The following BAALC variants were observed in gnomAD, a reference collection of about 807,000 sequenced individuals.
BAALC encodes brain and acute leukemia cytoplasmic protein.
In BAALC, 9 loss-of-function variants were observed where a neutral mutation model predicts 15.5. That is an observed-to-expected ratio of 0.58 (90% CI 0.35 to 1.02). The LOEUF is 1.02. Among genes scored for constraint, BAALC ranks in the 50% least tolerant of loss-of-function variants. The pLI is 0.02. For synonymous variants in BAALC, 80 were observed against 74.6 expected, an observed-to-expected ratio of 1.07 and a Z score of -0.37; for missense variants, 201 against 192.4, an observed-to-expected ratio of 1.04 and a Z score of -0.27.
intron 1 of BAALC, among the ~76,000 whole-genome samples, chr8:103,155,937 T>C (rs1404657094): frequency 2.0e-5 from 3 of 152,236 alleles, no homozygotes; most frequent in African/African-American, 7.2e-5. Flanking sequence ...TAGCAAACTT[T>C]TTCTGTAAAG....
chr8:103,142,336 T>C (rs1323607000), intron 1 of BAALC, among the ~76,000 whole-genome samples: 2 of 152,246 alleles, frequency 1.3e-5, no homozygotes, highest in African/African-American at 4.8e-5. Context: ...GTGAAAGCTG[T>C]ACAATACATT....
chr8:103,205,572 A>AAT (rs1812309990), intron 1 of BAALC, among the ~76,000 whole-genome samples: 1 of 152,104 alleles, frequency 6.6e-6, no homozygotes, highest in African/African-American at 2.4e-5. Flanking sequence ...ATATATCTAT[A>AAT]ATATAGATGA....
chr8:103,171,335 G>A (rs1301703208), intron 1 of BAALC, among the ~76,000 whole-genome samples: 1 of 143,876 alleles, frequency 7.0e-6, no homozygotes, highest in African/African-American at 2.5e-5. Context: ...AAGAGAGAAA[G>A]AAGGAAGGAG....
intron 1 of BAALC, among the ~76,000 whole-genome samples, chr8:103,192,304 A>G (rs1320300458): frequency 6.6e-6 from 1 of 152,224 alleles, no homozygotes; most frequent in South Asian, 2.1e-4. Context: ...CACCCGCCTC[A>G]GCCTCCCAAA....
intron 1 of BAALC, among the ~76,000 whole-genome samples, chr8:103,145,085 C>T (rs961284222): frequency 6.6e-6 from 1 of 152,204 alleles, no homozygotes. Context: ...AGGGGATATG[C>T]TATGAAATTC....
At chr8:103,222,959 G>A (rs1437613458) in intron 2 of BAALC, among the ~76,000 whole-genome samples, 2 of 152,150 alleles carry the variant, frequency 1.3e-5, no homozygotes, top group Non-Finnish European at 2.9e-5. Context: ...GTGACTAACC[G>A]TCCTGGTTTG....
chr8:103,166,791 AAT>A (rs1201210545), intron 1 of BAALC, among the ~76,000 whole-genome samples: 1 of 152,190 alleles, frequency 6.6e-6, no homozygotes, highest in African/African-American at 2.4e-5. Context: ...GTACCTATTT[AAT>A]ATCTTTCTTT....
At position 103,228,070 on chromosome 8, in the gene BAALC, C is replaced by G; in HGVS notation, c.409C>G (p.Arg137Gly). The change falls in exon 3 of 3, where the codon CGA becomes GGA. Residue 137 changes from arginine (R) to glycine (G), a missense_variant. By Grantham distance (125) the Arg-to-Gly change is moderately radical. Coordinates refer to ENST00000309982, the MANE Select transcript of BAALC (RefSeq NM_024812.3). The stretch of plus-strand genomic sequence containing the variant: ...TAGCATCCAACAGATGGACAGAAGT[C>G]GAAGAATCACAAAGAACTGTGTCAA... ...TDSIQQMDRS[R>G]RITKNCVN 2 of 1,612,794 alleles carry G rather than the reference C, an allele frequency of 1.2e-6. No homozygotes were observed. The highest frequency in any genetic ancestry group is 1.7e-6 in the Non-Finnish European group (2 of 1,179,140).
chr8:103,165,823 A>T (rs1811333598), intron 1 of BAALC: 1 of 152,168 alleles, frequency 6.6e-6, no homozygotes, highest in African/African-American at 2.4e-5. Flanking sequence ...TAAGACACTT[A>T]CCCTCTTTGT....
At chr8:103,178,853 A>G (rs1446083679) in intron 1 of BAALC, among the ~76,000 whole-genome samples, 3 of 143,078 alleles carry the variant, frequency 2.1e-5, no homozygotes, top group African/African-American at 7.8e-5. Context: ...ACAGAGTGAG[A>G]CTCTGTCTCA....
chr8:103,156,057 G>A (rs1811083385), intron 1 of BAALC, among the ~76,000 whole-genome samples: 1 of 152,154 alleles, frequency 6.6e-6, no homozygotes, highest in Non-Finnish European at 1.5e-5. Flanking sequence ...ATAAATGAAT[G>A]AGCGTGTCTG....
intron 2 of BAALC, among the ~76,000 whole-genome samples, chr8:103,215,836 C>T (rs1210980818): frequency 6.6e-6 from 1 of 152,212 alleles, no homozygotes; most frequent in Non-Finnish European, 1.5e-5. Flanking sequence ...CCACATACCA[C>T]ATACATACAC....
At position 103,140,856 on chromosome 8, in the gene BAALC, C is replaced by G; in HGVS notation, c.-42C>G. The G allele has an allele frequency of 6.9e-7, 1 of 1,449,430 alleles. No homozygotes were observed. Among genetic ancestry groups the G allele is most frequent in the Non-Finnish European group, 9.1e-7 (1 of 1,100,450 alleles). The allele number at this position is 1,449,430 out of a possible 1,614,324, so 89.8% of individuals were successfully genotyped here. On this transcript the variant is annotated 5_prime_UTR_variant, in exon 1 of 3. Coordinates refer to ENST00000309982, the MANE Select transcript of BAALC (RefSeq NM_024812.3). The surrounding 1 kb of genome is among the most constrained non-coding windows in gnomAD (Gnocchi z 4.2). ...TCCGGGGCTGAGCCGCCGCCAGAGC[C>G]GACAGCCGAGCAGCCGCTGGGCGCT... is the stretch of plus-strand genomic sequence containing the variant.
chr8:103,180,077 A>C (rs904230522), intron 1 of BAALC, among the ~76,000 whole-genome samples: 1 of 152,222 alleles, frequency 6.6e-6, no homozygotes, highest in Non-Finnish European at 1.5e-5. Flanking sequence ...AATGATAAGC[A>C]GGGGGAGTGC....
At chr8:103,141,100 C>T in intron 1 of BAALC, 43 bp downstream of exon 1, 1 of 1,393,708 alleles carries the variant, frequency 7.2e-7, no homozygotes, top group Non-Finnish European at 9.3e-7. Context: ...GCCCGCTACC[C>T]CGGGCGCCTT....
chr8:103,178,046 G>A (rs997502892), intron 1 of BAALC, among the ~76,000 whole-genome samples: 2 of 152,132 alleles, frequency 1.3e-5, no homozygotes, highest in African/African-American at 4.8e-5. Flanking sequence ...GGAACCATCT[G>A]GTCTTGTCAT....
At chr8:103,217,534 G>A (rs1245947054) in intron 2 of BAALC, among the ~76,000 whole-genome samples, 1 of 152,132 alleles carries the variant, frequency 6.6e-6, no homozygotes, top group African/African-American at 2.4e-5. Flanking sequence ...GGCTCAGTCA[G>A]TATCCACTTG....
intron 1 of BAALC, among the ~76,000 whole-genome samples, chr8:103,171,436 A>G (rs1486984997): frequency 6.6e-6 from 1 of 150,782 alleles, no homozygotes; most frequent in Admixed American, 6.6e-5. Flanking sequence ...AAATAAAAAG[A>G]AAGAGAAAGA....
intron 2 of BAALC, among the ~76,000 whole-genome samples, chr8:103,225,644 G>A (rs1189552593): frequency 1.3e-5 from 2 of 152,106 alleles, no homozygotes; most frequent in African/African-American, 4.8e-5. Context: ...AAGCACCATG[G>A]ATTTGTACCC....
Sources: gnomAD v4.1 joint callset for allele counts (sites outside exome capture counted in the v4.1 genomes callset) on GRCh38, gnomAD v4.1.1 for gene constraint, Gnocchi (gnomAD v3.1) non-coding constraint, MANE v1.5 for transcripts, NCBI Gene and HGNC (gene_info 2026-07-23, HGNC 2026-07-21) for gene names.